CCDC146: variants seen among roughly 807,000 people sequenced by gnomAD.
The protein encoded by CCDC146 is coiled-coil domain-containing protein 146.
In CCDC146, 92 loss-of-function variants were observed where a neutral mutation model predicts 119.3. That is an observed-to-expected ratio of 0.77 (90% CI 0.65 to 0.92). The LOEUF (loss-of-function observed/expected upper bound fraction) is 0.92, where lower values mean the gene tolerates loss of function less well. Ranked by LOEUF, CCDC146 falls within the 40% of genes least tolerant of loss-of-function variation. The probability of loss-of-function intolerance (pLI) is 0.00; values close to 1 mark genes in which losing one functional copy is unlikely to be tolerated. For missense variants in CCDC146, 1,000 were observed against 1,103.0 expected, an observed-to-expected ratio of 0.91 and a Z score of 1.32; for synonymous variants, 372 against 371.8, an observed-to-expected ratio of 1.00 and a Z score of -0.01.
rs77505922 is a variant in CCDC146, at chr7:77,232,248, G to T, written c.157-4699G>T. Reference sequence around the variant, plus strand: ...TCCACTGGGTCTGTGTGTGGCTTGGGAACAACTTTTGGAGTTCGAGGAGTT... The same window carrying T: ...TCCACTGGGTCTGTGTGTGGCTTGGTAACAACTTTTGGAGTTCGAGGAGTT... On this transcript the variant is annotated intron_variant, in intron 2 of 18. Coordinates refer to ENST00000285871, the MANE Select transcript of CCDC146 (RefSeq NM_020879.3). Among the ~76,000 whole-genome samples, 704 of 152,270 alleles carry T rather than the reference G, an allele frequency of 4.6e-3. 6 individuals are homozygous for T. The highest frequency in any genetic ancestry group is 5.8e-3 in the Non-Finnish European group (393 of 68,008).
At chr7:77,151,982 C>G (rs1433152822) in intron 1 of CCDC146, among the ~76,000 whole-genome samples, 1 of 152,226 alleles carries the variant, frequency 6.6e-6, no homozygotes, top group African/African-American at 2.4e-5. Flanking sequence ...CTTGGGCCCT[C>G]TCTGCCTAGT....
intron 2 of CCDC146, among the ~76,000 whole-genome samples, chr7:77,171,973 T>G (rs1300366942): frequency 1.3e-5 from 2 of 152,248 alleles, no homozygotes; most frequent in African/African-American, 4.8e-5. Flanking sequence ...AATTTATAGT[T>G]ATTAATTGCT....
chr7:77,220,221 C>T lies in CCDC146; in HGVS notation c.157-16726C>T, dbSNP rs569036357. ...CATTTATTTTCCCAGGGCTGTTCCT[C>T]GCTGAGAAAAAGAATTCAGTGATAA... On this transcript the variant is annotated intron_variant, in intron 2 of 18. Coordinates refer to ENST00000285871, the MANE Select transcript of CCDC146 (RefSeq NM_020879.3). 4.6e-5 allele frequency among the ~76,000 whole-genome samples: 7 copies of T among 152,234 alleles called. No homozygotes were observed. In the East Asian group the frequency reaches 5.8e-4, roughly 13 times the overall value.
At chr7:77,249,234 G>A (rs150384525) in intron 4 of CCDC146, among the ~76,000 whole-genome samples, 2 of 152,258 alleles carry the variant, frequency 1.3e-5, no homozygotes, top group African/African-American at 4.8e-5. Context: ...GCTGTCACCT[G>A]TAATCCCAGC....
intron 3 of CCDC146, 191 bp downstream of exon 3, chr7:77,237,220 A>G (rs931208795): frequency 1.2e-5 from 7 of 580,076 alleles, no homozygotes; most frequent in Non-Finnish European, 2.2e-5. Flanking sequence ...GAAGGAATCT[A>G]GCCTTGATCA....
Position 77,239,812 on chromosome 7 carries a change from C to G in CCDC146, c.240-1879C>G, listed in dbSNP as rs1261457250. 2.0e-5 allele frequency among the ~76,000 whole-genome samples: 3 copies of G among 152,304 alleles called. No homozygotes were observed. In the East Asian group the frequency reaches 5.8e-4, roughly 29 times the overall value. ...CAGCATAGAGGAGTTCTATAAGATA[C>G]TGGAGATTCCGCCATGTCCTTTTTC... On this transcript the variant is annotated intron_variant, in intron 3 of 18. Transcript: ENST00000285871.
chr7:77,271,398 C>G lies in CCDC146; in HGVS notation c.1174-2296C>G, dbSNP rs531045176. On this transcript the variant is annotated intron_variant, in intron 9 of 18. Transcript: ENST00000285871. ...AGTTTTGGGACTCAGACTGGCTTTC[C>G]TTCCTCCTCAGCTTGCAGATGGCCT... Among the ~76,000 whole-genome samples, 3 of 151,030 alleles carry G rather than the reference C, an allele frequency of 2.0e-5. No individual in the cohort carries two copies. The East Asian group carries it at 5.8e-4, about 29-fold the overall frequency.
At chr7:77,173,302 A>G (rs1318026335) in intron 2 of CCDC146, among the ~76,000 whole-genome samples, 4 of 152,136 alleles carry the variant, frequency 2.6e-5, no homozygotes, top group Admixed American at 6.6e-5. Context: ...CAGGAACTAC[A>G]CTGTTAATTC....
chr7:77,154,768 G>A (rs553268301), intron 1 of CCDC146, among the ~76,000 whole-genome samples: 113 of 152,226 alleles, frequency 7.4e-4, no homozygotes, highest in Non-Finnish European at 1.2e-3. Context: ...AAACATGTGC[G>A]TGCATGTGTC....
chr7:77,261,896 G>A (rs1220408184), intron 8 of CCDC146, among the ~76,000 whole-genome samples: 1 of 152,210 alleles, frequency 6.6e-6, no homozygotes, highest in Non-Finnish European at 1.5e-5. Flanking sequence ...GAATAGCACT[G>A]TGATGAGCAA....
intron 2 of CCDC146, among the ~76,000 whole-genome samples, chr7:77,228,614 G>A (rs961931327): frequency 3.9e-5 from 6 of 152,158 alleles, no homozygotes; most frequent in Non-Finnish European, 5.9e-5. Context: ...GTGCTGCAAT[G>A]AACATACACA....
chr7:77,201,413 G>C (rs1240159063), intron 2 of CCDC146, among the ~76,000 whole-genome samples: 1 of 151,442 alleles, frequency 6.6e-6, no homozygotes, highest in African/African-American at 2.4e-5. Context: ...AATTAGCCAG[G>C]TATGGTGGCG....
chr7:77,212,620 C>CAA (rs11449217), intron 2 of CCDC146, among the ~76,000 whole-genome samples: 2,056 of 80,734 alleles, frequency 0.025, 48 homozygotes, highest in South Asian at 0.044. Flanking sequence ...GACTCCGTCT[C>CAA]AAAAAAAAAA....
chr7:77,218,598 T>TA (rs1394658848), intron 2 of CCDC146, among the ~76,000 whole-genome samples: 1 of 151,274 alleles, frequency 6.6e-6, no homozygotes, highest in African/African-American at 2.4e-5. Flanking sequence ...ATTTTTATGG[T>TA]AAAATCTACC....
intron 9 of CCDC146, among the ~76,000 whole-genome samples, chr7:77,273,220 A>G (rs1793559521): frequency 6.6e-6 from 1 of 152,142 alleles, no homozygotes; most frequent in Admixed American, 6.5e-5. Flanking sequence ...TCCCCACCTC[A>G]TGAGGGGTAT....
intron 14 of CCDC146, chr7:77,282,346 C>T (rs1473479052): frequency 2.1e-6 from 1 of 475,480 alleles, no homozygotes; most frequent in East Asian, 3.2e-5. Context: ...TGGTCAGCCT[C>T]AAAGTTGAGA....
intron 2 of CCDC146, among the ~76,000 whole-genome samples, chr7:77,235,984 T>A (rs1030955955): frequency 5.9e-5 from 9 of 151,818 alleles, no homozygotes; most frequent in Admixed American, 3.3e-4. Flanking sequence ...GGTACGAGAA[T>A]CACTTAAACC....
intron 2 of CCDC146, among the ~76,000 whole-genome samples, chr7:77,170,327 A>G (rs1392301940): frequency 1.4e-5 from 2 of 147,486 alleles, no homozygotes; most frequent in Non-Finnish European, 3.0e-5. Flanking sequence ...ATATGGTTGC[A>G]TAGTATTCTG....
chr7:77,278,712 A>T lies in CCDC146; in HGVS notation c.1441-40A>T, dbSNP rs201370365. On this transcript the variant is annotated intron_variant, in intron 11 of 18. Coordinates refer to ENST00000285871, the MANE Select transcript of CCDC146 (RefSeq NM_020879.3). ...ATGTGGGATAAATCTGGGAGTGTTC[A>T]TATGTTGTTATTTATTTCACATTTT... 1.1e-5 allele frequency: 15 copies of T among 1,369,300 alleles called. No homozygotes were observed. The East Asian group carries it at 3.5e-4, about 32-fold the overall frequency. The allele number at this position is 1,369,300 out of a possible 1,614,324, so 84.8% of individuals were successfully genotyped here.
Sources: gnomAD v4.1 joint callset for allele counts (sites outside exome capture counted in the v4.1 genomes callset) on GRCh38, gnomAD v4.1.1 for gene constraint, MANE v1.5 for transcripts, NCBI Gene and HGNC (gene_info 2026-07-23, HGNC 2026-07-21) for gene names.